SOS1: variants seen among roughly 807,000 people sequenced by gnomAD.
The protein encoded by SOS1 is son of sevenless homolog 1.
SOS1 carries 25 observed loss-of-function variants against 157.6 expected under a neutral mutation model. The ratio of observed to expected loss-of-function variants is 0.16; its 90% CI spans 0.12 to 0.22. The LOEUF (loss-of-function observed/expected upper bound fraction) is 0.22. Ranked by LOEUF, SOS1 falls within the 10% of genes least tolerant of loss-of-function variation. SOS1 has a pLI of 1.00. For synonymous variants in SOS1, 528 were observed against 534.0 expected (o/e 0.99, Z 0.16); for missense variants, 1,237 against 1,599.1 (o/e 0.77, Z 3.86).
Position 39,022,735 on chromosome 2 carries a change from C to T in SOS1, c.1693G>A (p.Glu565Lys), listed in dbSNP as rs1423209129. 2 of 1,613,768 alleles carry T rather than the reference C, an allele frequency of 1.2e-6. No individual in the cohort carries two copies. Among genetic ancestry groups the T allele is most frequent in the South Asian group, 1.1e-5 (1 of 91,078 alleles). ...TCAGCACTAGGCAGCCTCATCTGCT[C>T]CTCTTTCTCTTCCTGTAGCATTGTT... Reference protein sequence around the residue: ...DVTMLQEEKEEQMRLPSADVY... With the variant: ...DVTMLQEEKEKQMRLPSADVY... Residue 565 changes from glutamate to lysine, a missense_variant, in exon 10 of 23, where the codon GAG (glutamate) becomes AAG (lysine). Physicochemically the swap from Glu to Lys is moderately conservative, Grantham distance 56. Coordinates refer to ENST00000402219, the MANE Select transcript of SOS1 (RefSeq NM_005633.4).
intron 20 of SOS1, 29 bp downstream of exon 20, chr2:38,995,094 C>T (rs1276921155): frequency 2.2e-5 from 36 of 1,601,860 alleles, no homozygotes; most frequent in Middle Eastern, 3.3e-4. Flanking sequence ...TAACAAATAC[C>T]TTAATGCACT....
intron 15 of SOS1, among the ~76,000 whole-genome samples, chr2:39,007,991 A>G (rs1036558115): frequency 2.0e-5 from 3 of 152,136 alleles, no homozygotes; most frequent in Non-Finnish European, 4.4e-5. Flanking sequence ...TCTTTCTCCC[A>G]GCTCAGTGAG....
intron 2 of SOS1, among the ~76,000 whole-genome samples, chr2:39,061,385 AC>A (rs1395229844): frequency 6.6e-6 from 1 of 151,760 alleles, no homozygotes; most frequent in African/African-American, 2.4e-5. Context: ...ATATTTCTTT[AC>A]TTTTTATTTA....
chr2:39,080,770 T>A (rs541283099), intron 1 of SOS1, among the ~76,000 whole-genome samples: 1 of 152,126 alleles, frequency 6.6e-6, no homozygotes, highest in African/African-American at 2.4e-5. Flanking sequence ...TTTGCACTGA[T>A]AGCCTAGCAA....
intron 16 of SOS1, 145 bp downstream of exon 16, chr2:39,006,885 AT>A: frequency 1.5e-6 from 1 of 672,878 alleles, no homozygotes; most frequent in South Asian, 1.8e-5. Flanking sequence ...CAACCAATTC[AT>A]TACAAAACTT....
intron 1 of SOS1, among the ~76,000 whole-genome samples, chr2:39,104,525 A>G (rs73934125): frequency 0.049 from 7,486 of 152,248 alleles, 684 homozygotes; most frequent in African/African-American, 0.17. Flanking sequence ...AAAATATTGC[A>G]GGTTCTGTGA....
chr2:39,118,731 G>A (rs1337656208), intron 1 of SOS1, among the ~76,000 whole-genome samples: 1 of 152,092 alleles, frequency 6.6e-6, no homozygotes, highest in Non-Finnish European at 1.5e-5. Flanking sequence ...CGAAAATTCA[G>A]GTTTTATGTA....
chr2:39,070,004 T>C lies in SOS1; in HGVS notation c.88-2251A>G, dbSNP rs970973821. On this transcript the variant is annotated intron_variant, in intron 1 of 22. Transcript: ENST00000402219. ...GTATCCCTGTTAGGTGACTGGATGGTTGTACAGTTAAAATAATAGACAGTG... is the reference window on the plus strand; with the variant it reads ...GTATCCCTGTTAGGTGACTGGATGGCTGTACAGTTAAAATAATAGACAGTG... Among the ~76,000 whole-genome samples, 10 of 152,308 alleles carry C rather than the reference T, an allele frequency of 6.6e-5. 1 individual carries two copies. The highest frequency in any genetic ancestry group is 4.6e-4 in the Admixed American group (7 of 15,306).
chr2:39,059,761 T>C (rs952836343), intron 2 of SOS1, among the ~76,000 whole-genome samples: 4 of 152,202 alleles, frequency 2.6e-5, no homozygotes, highest in Non-Finnish European at 4.4e-5. Context: ...ACAATGATTC[T>C]TGGAAATCTT....
chr2:39,055,557 A>C (rs1248205328), intron 4 of SOS1, among the ~76,000 whole-genome samples: 1 of 152,184 alleles, frequency 6.6e-6, no homozygotes, highest in Non-Finnish European at 1.5e-5. Flanking sequence ...AAAAATACCC[A>C]AACATTTGAA....
At position 39,090,159 on chromosome 2, in the gene SOS1, ACT is replaced by A. The variant is rs1206341414; in HGVS notation, c.88-22408_88-22407del. On this transcript the variant is annotated intron_variant, in intron 1 of 22. Transcript: ENST00000402219. The stretch of plus-strand genomic sequence containing the variant: ...TGTCTCAAAAAAAAAAAAAAAAAAC[ACT>A]CTGTGCATAAACACTAAATGCAGAC... Among the ~76,000 whole-genome samples, 419 of 141,626 alleles carry A rather than the reference ACT, an allele frequency of 3.0e-3. 2 individuals are homozygous for A. Among genetic ancestry groups the A allele is most frequent in the African/African-American group, 9.8e-3 (376 of 38,316 alleles). 92.9% of individuals were successfully genotyped at this position (141,626 alleles called of 152,430 possible).
rs201539241 is a variant in SOS1, at chr2:38,987,538, C to G, written c.3445G>C (p.Val1149Leu). 1 of 1,606,104 alleles carries G rather than the reference C, an allele frequency of 6.2e-7. No individual in the cohort carries two copies. The highest frequency in any genetic ancestry group is 2.2e-5 in the East Asian group (1 of 44,758). The change falls in exon 22 of 23, where the codon GTC becomes CTC. Residue 1149 changes from valine (V) to leucine (L), a missense_variant. Physicochemically the swap from Val to Leu is conservative, Grantham distance 32 (BLOSUM62 1). Around this residue, in one of 15 missense-constraint regions of SOS1, gnomAD observed 306 missense variants for 322.6 expected, o/e 0.95. Transcript: ENST00000402219. ...SLTKGTDEVP[V>L]PPPVPPRRRP... Reference sequence around the variant, plus strand: ...CTTCGTGGAGGAACAGGAGGAGGGACAGGCACTTCATCAGTGCCTTTGGTT... The same window carrying G: ...CTTCGTGGAGGAACAGGAGGAGGGAGAGGCACTTCATCAGTGCCTTTGGTT...
intron 8 of SOS1, among the ~76,000 whole-genome samples, chr2:39,025,350 ATTTTTCTTTTTT>A (rs968840039): frequency 2.0e-5 from 3 of 151,572 alleles, no homozygotes; most frequent in African/African-American, 7.3e-5. Context: ...AAAGAAGTTT[ATTTTTCTTTTTT>A]TTTTTTAGAT....
At chr2:39,056,962 CTTTT>C (rs1176608726) in intron 3 of SOS1, 96 bp from the exon 4 acceptor site, 4 of 902,068 alleles carry the variant, frequency 4.4e-6, no homozygotes, top group Non-Finnish European at 7.2e-6. Flanking sequence ...TTAACTTACA[CTTTT>C]TTTCCTGAGG....
chr2:39,051,885 G>C (rs1671031853), intron 5 of SOS1, among the ~76,000 whole-genome samples: 1 of 151,880 alleles, frequency 6.6e-6, no homozygotes, highest in African/African-American at 2.4e-5. Context: ...TTTTTTTATT[G>C]AGATAAAACT....
intron 20 of SOS1, among the ~76,000 whole-genome samples, chr2:38,989,888 A>G (rs912414334): frequency 2.0e-5 from 3 of 152,032 alleles, no homozygotes; most frequent in African/African-American, 7.2e-5. Context: ...GCCTAGACTC[A>G]TTTTACATAG....
At chr2:39,098,038 T>G (rs910529591) in intron 1 of SOS1, 1 of 152,440 alleles carries the variant, frequency 6.6e-6, no homozygotes, top group Non-Finnish European at 1.5e-5. Context: ...TTAGTTTAGA[T>G]ATCATTAGTT....
intron 1 of SOS1, among the ~76,000 whole-genome samples, chr2:39,075,035 G>T (rs765808010): frequency 3.3e-5 from 5 of 152,146 alleles, no homozygotes; most frequent in Non-Finnish European, 5.9e-5. Context: ...GAAAATAATT[G>T]TAAGGTTTTA....
At chr2:39,109,042 T>C (rs1289834307) in intron 1 of SOS1, among the ~76,000 whole-genome samples, 1 of 151,752 alleles carries the variant, frequency 6.6e-6, no homozygotes, top group Non-Finnish European at 1.5e-5. Context: ...CTACCAAAAA[T>C]ACAAAAATTA....
Sources: allele counts gnomAD v4.1 joint callset (sites outside exome capture counted in the v4.1 genomes callset), GRCh38; gene constraint gnomAD v4.1.1; regional missense constraint gnomAD v4.1.1; transcripts MANE v1.5; gene names NCBI Gene and HGNC (gene_info 2026-07-23, HGNC 2026-07-21).